The following CDC42BPG variants were observed in gnomAD, a reference collection of about 807,000 sequenced individuals.
CDC42BPG encodes the protein serine/threonine-protein kinase MRCK gamma.
CDC42BPG carries 157 observed loss-of-function variants against 192.2 expected under a neutral mutation model. The observed-to-expected ratio is 0.82, with a 90% CI of 0.72 to 0.93. The LOEUF is 0.93. CDC42BPG is among the 40% of genes least tolerant of loss of function. The pLI is 0.00. For synonymous variants in CDC42BPG, 981 were observed against 918.5 expected (o/e 1.07, Z -1.23); for missense variants, 1,992 against 2,122.1 (o/e 0.94, Z 1.20).
At chr11:64,828,734 T>C (rs112344330) in intron 30 of CDC42BPG, among the ~76,000 whole-genome samples, 3 of 152,060 alleles carry the variant, frequency 2.0e-5, no homozygotes, top group South Asian at 4.2e-4. Context: ...CTGCGCAATA[T>C]GGCGAAACCC....
Position 64,835,824 on chromosome 11 carries a change from G to A in CDC42BPG, c.1696C>T (p.Arg566Trp), listed in dbSNP as rs200669471. 215 of 1,612,598 alleles carry A rather than the reference G, an allele frequency of 1.3e-4. 2 individuals carry two copies. In the South Asian group the frequency reaches 1.8e-3, roughly 13 times the overall value. ...TGTCCCTGCAGCTGCGTCACCTGCC[G>A]GCTCAGGGAGGACACCTGGGCCTCC... ...ELEAQVSSLS[R>W]QVTQLQGQWE... The change falls in exon 14 of 37, where the codon CGG (arginine) becomes TGG (tryptophan). Residue 566 changes from arginine (R) to tryptophan (W), a missense_variant. Coordinates refer to ENST00000342711, the MANE Select transcript of CDC42BPG (RefSeq NM_017525.3).
At chr11:64,843,507 C>A (rs1943371841) in intron 1 of CDC42BPG, among the ~76,000 whole-genome samples, 3 of 152,138 alleles carry the variant, frequency 2.0e-5, no homozygotes. Flanking sequence ...CTACCCCAGG[C>A]CTTGTGCCTT....
intron 22 of CDC42BPG, 36 bp from the exon 23 acceptor site, chr11:64,833,695 G>C (rs1942821996): frequency 6.2e-7 from 1 of 1,613,100 alleles, no homozygotes; most frequent in African/African-American, 1.3e-5. Context: ...AGACGGGCAA[G>C]GGCGGGGCCC....
At chr11:64,843,744 A>C (rs774999632) in intron 1 of CDC42BPG, among the ~76,000 whole-genome samples, 2 of 152,160 alleles carry the variant, frequency 1.3e-5, no homozygotes, top group Admixed American at 6.5e-5. Flanking sequence ...ATCTCCAGCT[A>C]GGCCCCCCTC....
rs753090372 is a variant in CDC42BPG, at chr11:64,841,872, G to A, written c.193C>T (p.Arg65Cys). 25 of 1,613,492 alleles carry A rather than the reference G, an allele frequency of 1.5e-5. No homozygotes were observed. The highest frequency in any genetic ancestry group is 1.1e-4 in the East Asian group (5 of 44,830). The change falls in exon 2 of 37, where the codon CGT (arginine) becomes TGT (cysteine). Residue 65 changes from arginine to cysteine, a missense_variant. By Grantham distance (180) the Arg-to-Cys change is radical (BLOSUM62 -3). Transcript: ENST00000342711. ...SPFVSKVKEL[R>C]LQRDDFEILK... The stretch of plus-strand genomic sequence containing the variant: ...ATCTCAAAGTCATCTCTCTGCAGAC[G>A]CAGTTCTTTCACCTTTGATACGAAG...
Position 64,827,298 on chromosome 11 carries a change from C to G in CDC42BPG, c.4251G>C (p.Glu1417Asp), listed in dbSNP as rs1942474316. 1 of 1,613,974 alleles carries G rather than the reference C, an allele frequency of 6.2e-7. No homozygotes were observed. The highest frequency in any genetic ancestry group is 8.5e-7 in the Non-Finnish European group (1 of 1,179,926). Residue 1417 changes from glutamate (E) to aspartate (D), a missense_variant, in exon 33 of 37, where the codon GAG (glutamate) becomes GAC (aspartate). Physicochemically the swap from Glu to Asp is conservative, Grantham distance 45. Transcript: ENST00000342711. ...KRRFFFRVSE[E>D]QQKQQRREML... ...CGCACCTGCGCTGCTGCTTCTGCTG[C>G]TCCTCCGACACGCGGAAAAAGAAGC...
chr11:64,839,174 G>T lies in CDC42BPG; in HGVS notation c.735C>A (p.Ala245=), dbSNP rs1468039054. The change falls in exon 7 of 37, where the codon GCC becomes GCA. Residue 245 remains alanine, a synonymous_variant. Transcript: ENST00000342711. ...PDYISPEILQ[A]MEEGKGHYGP... ...CGTAGTGGCCCTTGCCCTCCTCCAT[G>T]GCCTGCAGGATCTCAGGGGAGATAT... 3.7e-6 allele frequency: 6 copies of T among 1,613,280 alleles called. No homozygotes were observed. Among genetic ancestry groups the T allele is most frequent in the Non-Finnish European group, 5.1e-6 (6 of 1,180,054 alleles).
intron 6 of CDC42BPG, 32 bp from the exon 7 acceptor site, chr11:64,839,265 A>G: frequency 1.2e-6 from 2 of 1,611,440 alleles, no homozygotes; most frequent in Non-Finnish European, 1.7e-6. Flanking sequence ...CCATGAGGAC[A>G]GCTTTGGGCT....
chr11:64,844,379 C>G (rs906535014), intron 1 of CDC42BPG, 31 bp downstream of exon 1: 2 of 1,363,762 alleles, frequency 1.5e-6, no homozygotes, highest in Non-Finnish European at 1.9e-6. Flanking sequence ...TCCCTAGGCC[C>G]GCCCCCGCTC....
chr11:64,834,645 C>T, intron 18 of CDC42BPG, 68 bp from the exon 19 acceptor site: 1 of 1,469,736 alleles, frequency 6.8e-7, no homozygotes, highest in South Asian at 1.4e-5. Flanking sequence ...CCCCTGCTAC[C>T]AGAGCATCCT....
At chr11:64,827,890 T>G in intron 30 of CDC42BPG, 107 bp from the exon 31 acceptor site, 7 of 916,336 alleles carry the variant, frequency 7.6e-6, no homozygotes, top group African/African-American at 1.7e-5. Context: ...CTAAGGTCCT[T>G]CCTCTGAAGA....
At position 64,833,776 on chromosome 11, in the gene CDC42BPG, C is replaced by G. The variant is rs1457709224; in HGVS notation, c.2527G>C (p.Asp843His). The change falls in exon 22 of 37, where the codon GAT (aspartate) becomes CAT (histidine). Residue 843 changes from aspartate (D) to histidine (H), a missense_variant. This residue lies in a region of CDC42BPG where 1,656 missense variants were observed against 1,844.3 expected (regional missense o/e 0.90). Coordinates refer to ENST00000342711, the MANE Select transcript of CDC42BPG (RefSeq NM_017525.3). Reference protein sequence around the residue: ...GEATRHGGEPDLRPEGRRSLR... With the variant: ...GEATRHGGEPHLRPEGRRSLR... Reference sequence around the variant, plus strand: ...CTGCGTCGGCCCTCCGGCCTCAGATCTGGCTCTCCTCCATGCCTTGTGGCC... The same window carrying G: ...CTGCGTCGGCCCTCCGGCCTCAGATGTGGCTCTCCTCCATGCCTTGTGGCC... 1.9e-6 allele frequency: 3 copies of G among 1,614,234 alleles called. No individual in the cohort carries two copies. In the South Asian group the frequency reaches 3.3e-5, roughly 18 times the overall value.
In CDC42BPG at chr11:64,840,242, A is replaced by C. The variant is rs1025798868; in HGVS notation, c.459T>G (p.Gly153=). The part of the protein sequence containing the change: ...YLYLVMDYYA[G]GDLLTLLSRF... ...GGCTCAGCAGCGTCAGGAGGTCCCC[A>C]CCAGCATAGTAGTCCATCACAAGGT... Residue 153 remains glycine, a synonymous_variant, in exon 5 of 37, where the codon GGT becomes GGG. Coordinates refer to ENST00000342711, the MANE Select transcript of CDC42BPG (RefSeq NM_017525.3). The C allele has an allele frequency of 2.7e-5, 43 of 1,612,458 alleles. No individual in the cohort carries two copies. Among genetic ancestry groups the C allele is most frequent in the Non-Finnish European group, 3.6e-5 (42 of 1,179,986 alleles).
chr11:64,826,863 C>T, intron 34 of CDC42BPG, 69 bp from the exon 35 acceptor site: 2 of 1,439,014 alleles, frequency 1.4e-6, no homozygotes, highest in Non-Finnish European at 1.8e-6. Context: ...CAAGGCACAA[C>T]AGACCAGGAC....
chr11:64,827,697 G>C lies in CDC42BPG; in HGVS notation c.4054C>G (p.Pro1352Ala), dbSNP rs1243399507. Reference sequence around the variant, plus strand: ...TGGCGGACCCTCACCTTCTTGAGCGGCACGGTCTGCACCCATTCTGCCCTC... The same window carrying C: ...TGGCGGACCCTCACCTTCTTGAGCGCCACGGTCTGCACCCATTCTGCCCTC... ...VRRAEWVQTVPLKKVRPLNPE... is the reference protein window; with the variant it reads ...VRRAEWVQTVALKKVRPLNPE... Residue 1352 changes from proline to alanine, a missense_variant, in exon 31 of 37, where the codon CCG becomes GCG. By Grantham distance (27) the Pro-to-Ala change is conservative. Transcript: ENST00000342711. 6.2e-7 allele frequency: 1 copy of C among 1,611,412 alleles called. No homozygotes were observed. Among genetic ancestry groups the C allele is most frequent in the Non-Finnish European group, 8.5e-7 (1 of 1,178,306 alleles).
chr11:64,841,446 C>T (rs535972294), intron 3 of CDC42BPG, among the ~76,000 whole-genome samples: 3 of 147,946 alleles, frequency 2.0e-5, no homozygotes, highest in East Asian at 2.0e-4. Flanking sequence ...AGCAAGATTC[C>T]GTCTCAAAAA....
rs1302468681 is a variant in CDC42BPG, at chr11:64,831,676, G to A, written c.3133C>T (p.Leu1045=). The change falls in exon 28 of 37, where the codon CTG becomes TTG. Residue 1045 remains leucine (L), a synonymous_variant. Coordinates refer to ENST00000342711, the MANE Select transcript of CDC42BPG (RefSeq NM_017525.3). ...LAVPPTTCTV[L]LLAESEGERE... ...TCCCCCTCGCTCTCTGCCAGCAGCA[G>A]CACAGTGCACGTGGTGGGCGGCACT... 8 of 1,608,428 alleles carry A rather than the reference G, an allele frequency of 5.0e-6. No homozygotes were observed. Among genetic ancestry groups the A allele is most frequent in the Non-Finnish European group, 6.8e-6 (8 of 1,179,368 alleles).
Position 64,827,586 on chromosome 11 carries a change from G to T in CDC42BPG, c.4091C>A (p.Ser1364Tyr), listed in dbSNP as rs1381416431. 3.0e-5 allele frequency: 48 copies of T among 1,611,944 alleles called. No homozygotes were observed. Among genetic ancestry groups the T allele is most frequent in the Non-Finnish European group, 4.0e-5 (47 of 1,178,958 alleles). Residue 1364 changes from serine (S) to tyrosine (Y), a missense_variant, in exon 32 of 37, where the codon TCC (serine) becomes TAC (tyrosine). Ser to Tyr is a moderately radical substitution (Grantham distance 144). Around this residue, in one of 2 missense-constraint regions of CDC42BPG, gnomAD observed 336 missense variants for 277.9 expected, o/e 1.21. Coordinates refer to ENST00000342711, the MANE Select transcript of CDC42BPG (RefSeq NM_017525.3). Reference protein sequence around the residue: ...KKVRPLNPEGSLFLYGTEKVR... With the variant: ...KKVRPLNPEGYLFLYGTEKVR... ...CTTCTCGGTGCCGTAGAGGAACAGG[G>T]AGCCCTCTGGATTGAGGGGCCGCAC...
Position 64,836,717 on chromosome 11 carries a change from G to T in CDC42BPG, c.1384+22C>A, listed in dbSNP as rs781288537. The T allele has an allele frequency of 3.4e-4, 292 of 858,760 alleles. 34 individuals carry two copies. Among genetic ancestry groups the T allele is most frequent in the East Asian group, 2.9e-3 (99 of 34,082 alleles). 53.2% of individuals were successfully genotyped at this position (858,760 alleles called of 1,614,324 possible). A position where few individuals can be genotyped will look rare whatever the true frequency, so the allele number is the denominator to read the frequency against. On this transcript the variant is annotated intron_variant, in intron 11 of 36. Transcript: ENST00000342711. ...GTGGGACTCAGCCCTGGGGGGGGGG[G>T]GGGGGTGGGCGGAAGGGATACCTGG...
Sources: gnomAD v4.1 joint callset for allele counts (sites outside exome capture counted in the v4.1 genomes callset) on GRCh38, gnomAD v4.1.1 for gene constraint, gnomAD v4.1.1 regional missense constraint, MANE v1.5 for transcripts, NCBI Gene and HGNC (gene_info 2026-07-23, HGNC 2026-07-21) for gene names.